The following UBE2E3 variants were observed in gnomAD, a reference collection of about 807,000 sequenced individuals.
The protein encoded by UBE2E3 is ubiquitin-conjugating enzyme E2 E3.
In UBE2E3, 5 loss-of-function variants were observed where a neutral mutation model predicts 23.6. The ratio of observed to expected loss-of-function variants is 0.21; its 90% CI spans 0.11 to 0.44. UBE2E3 has a LOEUF of 0.44. Among genes scored for constraint, UBE2E3 ranks in the 20% least tolerant of loss-of-function variants. The probability of loss-of-function intolerance (pLI) is 0.99; values close to 1 mark genes in which losing one functional copy is unlikely to be tolerated. For synonymous variants in UBE2E3, 78 were observed against 87.5 expected, an observed-to-expected ratio of 0.89 and a Z score of 0.60; for missense variants, 81 against 249.8, an observed-to-expected ratio of 0.32 and a Z score of 4.55.
intron 4 of UBE2E3, among the ~76,000 whole-genome samples, chr2:181,059,412 A>T (rs906076218): frequency 1.1e-4 from 17 of 151,896 alleles, no homozygotes; most frequent in African/African-American, 4.1e-4. Flanking sequence ...CTGAACATAA[A>T]TTATTTCTAT....
chr2:181,051,712 A>G (rs1285093865), intron 3 of UBE2E3, among the ~76,000 whole-genome samples: 9 of 152,032 alleles, frequency 5.9e-5, no homozygotes, highest in Middle Eastern at 3.4e-3. Flanking sequence ...CCAATTCTGA[A>G]GTATACTTTT....
intron 3 of UBE2E3, among the ~76,000 whole-genome samples, chr2:181,008,273 A>G (rs1409835594): frequency 6.6e-6 from 1 of 152,248 alleles, no homozygotes; most frequent in Non-Finnish European, 1.5e-5. Flanking sequence ...ACCAATTACT[A>G]TGTGGCAGGC....
chr2:181,014,732 T>C (rs1478677864), intron 3 of UBE2E3, among the ~76,000 whole-genome samples: 1 of 152,156 alleles, frequency 6.6e-6, no homozygotes, highest in African/African-American at 2.4e-5. Context: ...TTTTTATTGA[T>C]ATAGTTATAC....
chr2:180,992,905 C>G (rs1011400376), intron 3 of UBE2E3, among the ~76,000 whole-genome samples: 1 of 152,158 alleles, frequency 6.6e-6, no homozygotes, highest in African/African-American at 2.4e-5. Flanking sequence ...CAGTGAGTCT[C>G]TTTGGAAGAG....
intron 3 of UBE2E3, among the ~76,000 whole-genome samples, chr2:181,043,560 A>C (rs1304813837): frequency 6.6e-6 from 1 of 152,204 alleles, no homozygotes; most frequent in Non-Finnish European, 1.5e-5. Flanking sequence ...AATATAAAAA[A>C]AGTTAACACT....
At chr2:180,997,037 AT>A (rs896201675) in intron 3 of UBE2E3, among the ~76,000 whole-genome samples, 255 of 147,158 alleles carry the variant, frequency 1.7e-3, no homozygotes, top group African/African-American at 5.0e-3. Context: ...TTATTAATGA[AT>A]TTTTTTTTTT....
At chr2:180,993,532 C>A (rs1481579539) in intron 3 of UBE2E3, among the ~76,000 whole-genome samples, 1 of 152,160 alleles carries the variant, frequency 6.6e-6, no homozygotes, top group Non-Finnish European at 1.5e-5. Flanking sequence ...CCTAGGGAAA[C>A]ATGAATTTTG....
At chr2:180,987,246 G>A in intron 3 of UBE2E3, 1 of 1,365,054 alleles carries the variant, frequency 7.3e-7, no homozygotes, top group Non-Finnish European at 1.0e-6. Flanking sequence ...ATTGTGTTAT[G>A]GGCATTTCCC....
At chr2:181,059,399 G>T (rs1365232085) in intron 4 of UBE2E3, among the ~76,000 whole-genome samples, 2 of 151,638 alleles carry the variant, frequency 1.3e-5, no homozygotes, top group African/African-American at 2.4e-5. Context: ...TAACGTCAGT[G>T]ATCTGAACAT....
At chr2:180,999,914 A>C (rs747596987) in intron 3 of UBE2E3, among the ~76,000 whole-genome samples, 1 of 123,020 alleles carries the variant, frequency 8.1e-6, no homozygotes, top group Non-Finnish European at 1.9e-5. Flanking sequence ...ACAAATAAAC[A>C]GGCATGTTTA....
At chr2:181,000,755 C>T (rs944475879) in intron 3 of UBE2E3, among the ~76,000 whole-genome samples, 6 of 152,044 alleles carry the variant, frequency 3.9e-5, no homozygotes, top group African/African-American at 9.7e-5. Context: ...GGGGTTTCAC[C>T]GTGTTAGCCA....
At chr2:181,018,598 GTTTT>G (rs4018770) in intron 3 of UBE2E3, among the ~76,000 whole-genome samples, 1,835 of 128,974 alleles carry the variant, frequency 0.014, 39 homozygotes, top group African/African-American at 0.048. Context: ...CAATTTCTGT[GTTTT>G]TTTTTTTTTT....
chr2:181,043,319 G>A (rs1210927200), intron 3 of UBE2E3, among the ~76,000 whole-genome samples: 1 of 152,194 alleles, frequency 6.6e-6, no homozygotes, highest in Non-Finnish European at 1.5e-5. Flanking sequence ...AGGAATGATG[G>A]TGATGCCAGT....
At chr2:180,997,110 A>G (rs1684845877) in intron 3 of UBE2E3, among the ~76,000 whole-genome samples, 1 of 138,154 alleles carries the variant, frequency 7.2e-6, no homozygotes, top group African/African-American at 2.6e-5. Context: ...CTCAAACTAC[A>G]CTTTTTTTTT....
Position 180,980,901 on chromosome 2 carries a change from T to G in UBE2E3, c.-98T>G. On this transcript the variant is annotated 5_prime_UTR_variant, in exon 1 of 6. Coordinates refer to ENST00000410062, the MANE Select transcript of UBE2E3 (RefSeq NM_006357.4). The surrounding 1 kb of genome is among the most constrained non-coding windows in gnomAD (Gnocchi z 5.5). ...CCCCCCACAGCTGCCTCCATTTCCT[T>G]AAGGAAGGGTTTTTTTCTCTCTCCC... The G allele has an allele frequency of 7.0e-6, 1 of 142,384 alleles. No individual in the cohort carries two copies. 8.8% of individuals were successfully genotyped at this position (142,384 alleles called of 1,614,324 possible).
intron 3 of UBE2E3, among the ~76,000 whole-genome samples, chr2:180,995,333 A>G (rs1466313338): frequency 6.6e-6 from 1 of 152,176 alleles, no homozygotes; most frequent in South Asian, 2.1e-4. Flanking sequence ...GGTGCCTGCC[A>G]TTTCAGACAA....
At chr2:181,032,465 G>A (rs1559128605) in intron 3 of UBE2E3, among the ~76,000 whole-genome samples, 1 of 152,190 alleles carries the variant, frequency 6.6e-6, no homozygotes, top group East Asian at 1.9e-4. Context: ...TAGATAGCGT[G>A]GATAAGATAA....
intron 3 of UBE2E3, among the ~76,000 whole-genome samples, chr2:181,038,904 A>G (rs1409070695): frequency 6.6e-6 from 1 of 152,188 alleles, no homozygotes; most frequent in Non-Finnish European, 1.5e-5. Context: ...AATGGTTAAA[A>G]TAATTATAAA....
At chr2:181,025,549 T>A (rs1388415970) in intron 3 of UBE2E3, among the ~76,000 whole-genome samples, 3 of 151,936 alleles carry the variant, frequency 2.0e-5, no homozygotes, top group Non-Finnish European at 4.4e-5. Context: ...CTTGTCTAAG[T>A]TGTTAATAGT....
Sources: gnomAD v4.1 joint callset for allele counts (sites outside exome capture counted in the v4.1 genomes callset) on GRCh38, gnomAD v4.1.1 for gene constraint, Gnocchi (gnomAD v3.1) non-coding constraint, MANE v1.5 for transcripts, NCBI Gene and HGNC (gene_info 2026-07-23, HGNC 2026-07-21) for gene names.